Variants in CRYBG1 observed in about 807,000 individuals in gnomAD.
The protein encoded by CRYBG1 is beta/gamma crystallin domain-containing protein 1.
Under a neutral mutation model 189.2 loss-of-function variants are expected in CRYBG1, and 139 were observed. That is an observed-to-expected ratio of 0.73 (90% CI 0.64 to 0.85). The LOEUF (loss-of-function observed/expected upper bound fraction) is 0.85. Ranked by LOEUF, CRYBG1 falls within the 40% of genes least tolerant of loss-of-function variation. CRYBG1 has a pLI of 0.00. For synonymous variants in CRYBG1, 1,023 were observed against 1,017.1 expected (o/e 1.01, Z -0.11); for missense variants, 2,611 against 2,675.8 (o/e 0.98, Z 0.53).
At chr6:106,506,533 A>G (rs1773136993) in intron 2 of CRYBG1, among the ~76,000 whole-genome samples, 1 of 141,592 alleles carries the variant, frequency 7.1e-6, no homozygotes, top group Non-Finnish European at 1.5e-5. Context: ...GTTCACTGCA[A>G]CCTCCGCCTC....
chr6:106,561,214 T>C, intron 19 of CRYBG1, 128 bp from the exon 20 acceptor site: 1 of 1,128,746 alleles, frequency 8.9e-7, no homozygotes, highest in Admixed American at 2.6e-5. Flanking sequence ...TTAAAACCTC[T>C]GAGACTCTTG....
chr6:106,373,258 A>C (rs574193245), intron 1 of CRYBG1, among the ~76,000 whole-genome samples: 2 of 152,310 alleles, frequency 1.3e-5, no homozygotes, highest in Admixed American at 1.3e-4. Context: ...TCTAAGAAGA[A>C]TCTGTGACTC....
At chr6:106,388,297 C>T (rs1770430274) in intron 1 of CRYBG1, among the ~76,000 whole-genome samples, 1 of 152,134 alleles carries the variant, frequency 6.6e-6, no homozygotes, top group Non-Finnish European at 1.5e-5. Context: ...TTTTCTAGGT[C>T]CTGAACTATC....
intron 2 of CRYBG1, among the ~76,000 whole-genome samples, chr6:106,509,898 G>C (rs1395755848): frequency 2.6e-5 from 4 of 152,006 alleles, no homozygotes; most frequent in Non-Finnish European, 5.9e-5. Flanking sequence ...GACCTTACTG[G>C]GCTGTAGCGG....
In CRYBG1 at chr6:106,360,725, T is replaced by A; in HGVS notation, c.-184T>A. 1.6e-6 allele frequency: 1 copy of A among 617,540 alleles called. No individual in the cohort carries two copies. The highest frequency in any genetic ancestry group is 2.6e-6 in the Non-Finnish European group (1 of 387,344). The allele number at this position is 617,540 out of a possible 1,614,324, so 38.3% of individuals were successfully genotyped here. The stretch of plus-strand genomic sequence containing the variant: ...CCAACAGCTCGGGCTGCAGTGCTGC[T>A]CGCGCTGCGCTGGGTGCTGGTTCTG... On this transcript the variant is annotated 5_prime_UTR_variant, in exon 1 of 22. Coordinates refer to ENST00000633556, the MANE Select transcript of CRYBG1 (RefSeq NM_001371242.2).
At chr6:106,375,036 G>C (rs998303700) in intron 1 of CRYBG1, among the ~76,000 whole-genome samples, 5 of 151,980 alleles carry the variant, frequency 3.3e-5, no homozygotes, top group South Asian at 2.1e-4. Flanking sequence ...TAACCTTTTT[G>C]ATGGTTAAAG....
intron 21 of CRYBG1, 53 bp from the exon 22 acceptor site, chr6:106,568,419 A>G (rs1774954821): frequency 7.1e-7 from 1 of 1,399,300 alleles, no homozygotes; most frequent in African/African-American, 1.4e-5. Context: ...TGTGTCTGCT[A>G]TAGACCCTTC....
intron 1 of CRYBG1, among the ~76,000 whole-genome samples, chr6:106,434,015 A>C (rs972119714): frequency 6.6e-6 from 1 of 152,008 alleles, no homozygotes; most frequent in African/African-American, 2.4e-5. Flanking sequence ...GCTGTCAACC[A>C]GGACTCTAGT....
chr6:106,483,980 G>C (rs1442132505), intron 2 of CRYBG1, among the ~76,000 whole-genome samples: 1 of 152,064 alleles, frequency 6.6e-6, no homozygotes, highest in Non-Finnish European at 1.5e-5. Flanking sequence ...CATAGTTTTG[G>C]GTTTTACATT....
chr6:106,498,329 T>C (rs1772900952), intron 2 of CRYBG1, among the ~76,000 whole-genome samples: 1 of 152,186 alleles, frequency 6.6e-6, no homozygotes, highest in African/African-American at 2.4e-5. Flanking sequence ...AGAATATTGC[T>C]GCCACCCGTT....
intron 1 of CRYBG1, among the ~76,000 whole-genome samples, chr6:106,431,717 A>C (rs888747896): frequency 1.3e-5 from 2 of 152,188 alleles, no homozygotes; most frequent in Non-Finnish European, 2.9e-5. Context: ...TTGTTATTGA[A>C]CACCCTAAGT....
Position 106,442,216 on chromosome 6 carries a change from G to C in CRYBG1, c.174-9478G>C, listed in dbSNP as rs114387200. On this transcript the variant is annotated intron_variant, in intron 1 of 21. Transcript: ENST00000633556. ...ACACAATTTCTCTTGAAACTTTATT[G>C]CTTCTGGAAATGCCATGAAGTAATG... Among the ~76,000 whole-genome samples, 1,378 of 152,276 alleles carry C rather than the reference G, an allele frequency of 9.0e-3. 18 individuals carry two copies. The highest frequency in any genetic ancestry group is 0.031 in the African/African-American group (1,281 of 41,556).
chr6:106,568,950 C>G lies in CRYBG1; in HGVS notation c.*384C>G, dbSNP rs960168988. The G allele has an allele frequency of 5.7e-6, 1 of 176,156 alleles. No homozygotes were observed. The highest frequency in any genetic ancestry group is 1.2e-5 in the Non-Finnish European group (1 of 83,542). 10.9% of individuals were successfully genotyped at this position (176,156 alleles called of 1,614,324 possible). ...CAAATTTACCAACTTTGTGGACCTA[C>G]AAAGCCCTTACACTTTAAAGGGTAA... On this transcript the variant is annotated 3_prime_UTR_variant, in exon 22 of 22. Transcript: ENST00000633556.
rs767438803 is a variant in CRYBG1 at position 106,512,085 on chromosome 6, A to C, written c.968A>C (p.Glu323Ala). Reference sequence around the variant, plus strand: ...GGAGCCCCCAGTGTGTGTGCCGAAGAAGGCTCCCTGGGGCCCCGCAACGCC... The same window carrying C: ...GGAGCCCCCAGTGTGTGTGCCGAAGCAGGCTCCCTGGGGCCCCGCAACGCC... ...PNGAPSVCAEEGSLGPRNARS... is the reference protein window; with the variant it reads ...PNGAPSVCAEAGSLGPRNARS... The change falls in exon 3 of 22, where the codon GAA (glutamate) becomes GCA (alanine). Residue 323 changes from glutamate (E) to alanine (A), a missense_variant. Physicochemically the swap from Glu to Ala is moderately radical, Grantham distance 107. Around this residue, in one of 3 missense-constraint regions of CRYBG1, gnomAD observed 985 missense variants for 924.4 expected, o/e 1.07. Coordinates refer to ENST00000633556, the MANE Select transcript of CRYBG1 (RefSeq NM_001371242.2). The C allele has an allele frequency of 1.8e-5, 27 of 1,534,230 alleles. No individual in the cohort carries two copies. The East Asian group carries it at 6.6e-4, about 38-fold the overall frequency.
intron 2 of CRYBG1, among the ~76,000 whole-genome samples, chr6:106,459,366 T>C (rs1771955598): frequency 6.6e-6 from 1 of 152,188 alleles, no homozygotes; most frequent in African/African-American, 2.4e-5. Flanking sequence ...AATATATTTG[T>C]TATTTCTCTT....
intron 1 of CRYBG1, among the ~76,000 whole-genome samples, chr6:106,438,225 A>G (rs1324385422): frequency 6.6e-6 from 1 of 152,214 alleles, no homozygotes; most frequent in Non-Finnish European, 1.5e-5. Context: ...CCTCTGAGTT[A>G]TTACTGATGC....
rs559318870 is a variant in CRYBG1 at position 106,454,321 on chromosome 6, A to AG, written c.312+2489_312+2490insG. Among the ~76,000 whole-genome samples the AG allele has an allele frequency of 1.6e-4, 25 of 152,258 alleles. No homozygotes were observed. The South Asian group carries it at 5.0e-3, about 30-fold the overall frequency. On this transcript the variant is annotated intron_variant, in intron 2 of 21. Transcript: ENST00000633556. ...TCTTGAGATCATGGCTGAGAGATTT[A>AG]CTGAACCATTAGCTCAGAAGTGCAA...
rs548381036 is a variant in CRYBG1, at chr6:106,479,390, C to A, written c.312+27558C>A. ...ACCTCCCAAAGGCCCCACCTCCAAA[C>A]AGCATCCCACTGGGAGTTAAGCCTT... On this transcript the variant is annotated intron_variant, in intron 2 of 21. Transcript: ENST00000633556. 7.1e-4 allele frequency among the ~76,000 whole-genome samples: 108 copies of A among 152,344 alleles called. 1 individual carries two copies. The highest frequency in any genetic ancestry group is 2.5e-3 in the African/African-American group (106 of 41,580).
rs1773264000 is a variant in CRYBG1 at position 106,511,767 on chromosome 6, G to A, written c.650G>A (p.Ser217Asn). 6.5e-7 allele frequency: 1 copy of A among 1,535,294 alleles called. No individual in the cohort carries two copies. The highest frequency in any genetic ancestry group is 8.7e-7 in the Non-Finnish European group (1 of 1,146,524). Residue 217 changes from serine (S) to asparagine (N), a missense_variant, in exon 3 of 22, where the codon AGC (serine) becomes AAC (asparagine). Physicochemically the swap from Ser to Asn is conservative, Grantham distance 46. Coordinates refer to ENST00000633556, the MANE Select transcript of CRYBG1 (RefSeq NM_001371242.2). ...GCCGAGCTGTCACCTCGCTGGAGCA[G>A]CAGTGCAGCGGCTGTGGCTGTGCAG... Reference protein sequence around the residue: ...PDAELSPRWSSSAAAVAVQQC... With the variant: ...PDAELSPRWSNSAAAVAVQQC...
Sources: allele counts gnomAD v4.1 joint callset (sites outside exome capture counted in the v4.1 genomes callset), GRCh38; gene constraint gnomAD v4.1.1; regional missense constraint gnomAD v4.1.1; transcripts MANE v1.5; gene names NCBI Gene and HGNC (gene_info 2026-07-23, HGNC 2026-07-21).